FAM107A: variants seen among roughly 807,000 people sequenced by gnomAD.
The protein encoded by FAM107A is family with sequence similarity 107 member A.
A neutral mutation model predicts 13.7 loss-of-function variants in FAM107A; 19 were observed. That is an observed-to-expected ratio of 1.38 (90% CI 0.97 to 2.03). The LOEUF (loss-of-function observed/expected upper bound fraction) is 2.03. FAM107A is among the 30% of genes most tolerant of loss of function. The pLI, the probability that FAM107A is intolerant of heterozygous loss-of-function variation, is 0.00. For missense variants in FAM107A, 203 were observed against 184.4 expected, an observed-to-expected ratio of 1.10 and a Z score of -0.58; for synonymous variants, 82 against 74.5, an observed-to-expected ratio of 1.10 and a Z score of -0.52.
chr3:58,617,635 C>T lies in FAM107A; in HGVS notation c.-70+9781G>A, dbSNP rs868021798. On this transcript the variant is annotated intron_variant, in intron 1 of 3. Transcript: ENST00000465970. This position sits in a 1 kb window ranked among gnomAD's most constrained non-coding sequence, Gnocchi z 4.5. Reference sequence around the variant, plus strand: ...TCCCTGGGGCCCAGGGAGGGAGCTGCGTTTTTGGGTTTCTGCCTGCGAGAA... The same window carrying T: ...TCCCTGGGGCCCAGGGAGGGAGCTGTGTTTTTGGGTTTCTGCCTGCGAGAA... 3.3e-5 allele frequency among the ~76,000 whole-genome samples: 5 copies of T among 152,208 alleles called. No individual in the cohort carries two copies. The Middle Eastern group carries it at 0.014, about 414-fold the overall frequency.
intron 3 of FAM107A, chr3:58,566,965 T>C (rs2063628053): frequency 1.6e-6 from 1 of 611,744 alleles, no homozygotes; most frequent in Non-Finnish European, 2.9e-6. Flanking sequence ...GTTATAAGAA[T>C]GAAATCAGAA....
At chr3:58,603,897 C>G (rs2108072879) in intron 1 of FAM107A, among the ~76,000 whole-genome samples, 1 of 152,308 alleles carries the variant, frequency 6.6e-6, no homozygotes, top group Non-Finnish European at 1.5e-5. Context: ...AAGTAACTTC[C>G]TCAAGGCTCC....
At chr3:58,583,939 T>C (rs1004660544) in intron 1 of FAM107A, among the ~76,000 whole-genome samples, 3 of 152,188 alleles carry the variant, frequency 2.0e-5, no homozygotes, top group African/African-American at 7.2e-5. Flanking sequence ...CCCAGTGTTA[T>C]ATTATCTGCT....
intron 1 of FAM107A, among the ~76,000 whole-genome samples, chr3:58,621,307 G>C (rs2065952763): frequency 6.6e-6 from 1 of 152,184 alleles, no homozygotes; most frequent in African/African-American, 2.4e-5. Flanking sequence ...CTGGCACTAA[G>C]GACTGGGGCC....
intron 1 of FAM107A, among the ~76,000 whole-genome samples, chr3:58,596,594 G>A (rs886390904): frequency 5.9e-5 from 9 of 151,694 alleles, no homozygotes; most frequent in Non-Finnish European, 8.8e-5. Context: ...CAGGAGAATC[G>A]CTTGAACCTG....
chr3:58,607,504 C>T (rs1455052151), intron 1 of FAM107A, among the ~76,000 whole-genome samples: 1 of 152,078 alleles, frequency 6.6e-6, no homozygotes, highest in Non-Finnish European at 1.5e-5. Context: ...GCTATTTTAA[C>T]AATAGAATAT....
chr3:58,603,299 G>T (rs4464476), intron 1 of FAM107A, among the ~76,000 whole-genome samples: 1 of 151,938 alleles, frequency 6.6e-6, no homozygotes, highest in Non-Finnish European at 1.5e-5. Flanking sequence ...AATGATGTTC[G>T]TATACTGAAC....
At chr3:58,622,242 C>G (rs2065963208) in intron 1 of FAM107A, among the ~76,000 whole-genome samples, 1 of 152,150 alleles carries the variant, frequency 6.6e-6, no homozygotes, top group African/African-American at 2.4e-5. Flanking sequence ...AGTTCGAGAC[C>G]AGCCTGGCCA....
upstream of FAM107A, chr3:58,589,156 G>A: frequency 8.3e-7 from 1 of 1,211,604 alleles, no homozygotes; most frequent in Non-Finnish European, 1.2e-6. Flanking sequence ...TGGAGTATCT[G>A]AAGGGATGGA....
intron 1 of FAM107A, among the ~76,000 whole-genome samples, chr3:58,574,898 C>T (rs73089510): frequency 0.058 from 8,789 of 152,154 alleles, 287 homozygotes; most frequent in Middle Eastern, 0.082. Flanking sequence ...GAGAGTGCAC[C>T]GGGCCACTGG....
At chr3:58,575,410 C>T (rs1366399870) in intron 1 of FAM107A, among the ~76,000 whole-genome samples, 1 of 152,088 alleles carries the variant, frequency 6.6e-6, no homozygotes, top group Non-Finnish European at 1.5e-5. Flanking sequence ...CTGAAGAAAC[C>T]CTGTGGTCAC....
At chr3:58,620,500 G>A (rs1467361011) in intron 1 of FAM107A, among the ~76,000 whole-genome samples, 1 of 152,268 alleles carries the variant, frequency 6.6e-6, no homozygotes, top group Non-Finnish European at 1.5e-5. Context: ...GGCTGAGCCG[G>A]TATCTTTTTT....
intron 1 of FAM107A, among the ~76,000 whole-genome samples, chr3:58,615,701 G>C (rs534125324): frequency 5.9e-5 from 9 of 152,066 alleles, no homozygotes; most frequent in African/African-American, 2.2e-4. Context: ...TTGGAGACCA[G>C]CCTGGGCAAC....
intron 1 of FAM107A, among the ~76,000 whole-genome samples, chr3:58,571,731 A>G (rs1197078986): frequency 3.3e-5 from 5 of 152,174 alleles, no homozygotes; most frequent in Non-Finnish European, 7.3e-5. Flanking sequence ...AGTGTCGCCC[A>G]TCCTTTGACT....
intron 1 of FAM107A, among the ~76,000 whole-genome samples, chr3:58,618,928 T>G (rs2065928465): frequency 6.6e-6 from 1 of 152,220 alleles, no homozygotes; most frequent in Non-Finnish European, 1.5e-5. Flanking sequence ...CTATTTTGAA[T>G]AGTGAGCAAA....
At chr3:58,608,640 C>A (rs913963658) in intron 1 of FAM107A, among the ~76,000 whole-genome samples, 3 of 152,182 alleles carry the variant, frequency 2.0e-5, no homozygotes, top group African/African-American at 7.2e-5. Context: ...TGGAAGAAAC[C>A]ACCTAGTCCA....
intron 1 of FAM107A, among the ~76,000 whole-genome samples, chr3:58,571,238 C>T (rs1416187290): frequency 6.6e-6 from 1 of 152,160 alleles, no homozygotes. Context: ...CCGTGTTTGG[C>T]ATTTCTATGA....
At chr3:58,582,987 TG>T (rs2065565164) in intron 1 of FAM107A, among the ~76,000 whole-genome samples, 1 of 151,980 alleles carries the variant, frequency 6.6e-6, no homozygotes, top group African/African-American at 2.4e-5. Flanking sequence ...TTGGTAGAGA[TG>T]GGGTTTCACT....
chr3:58,591,485 A>G (rs12485661), upstream of FAM107A, among the ~76,000 whole-genome samples: 58,514 of 151,872 alleles, frequency 0.39, 12,364 homozygotes, highest in Non-Finnish European at 0.49. The surrounding 1 kb of genome is among the most constrained non-coding windows in gnomAD (Gnocchi z 4.3). Context: ...GTCAGTGAGG[A>G]GACAGGGGCC....
Sources: allele counts gnomAD v4.1 joint callset (sites outside exome capture counted in the v4.1 genomes callset), GRCh38; gene constraint gnomAD v4.1.1; non-coding constraint Gnocchi (gnomAD v3.1); transcripts MANE v1.5; gene names NCBI Gene and HGNC (gene_info 2026-07-23, HGNC 2026-07-21).